Variants in PSD observed in about 807,000 individuals in gnomAD.
PSD encodes PH and SEC7 domain-containing protein 1.
Under a neutral mutation model 91.6 loss-of-function variants are expected in PSD, and 32 were observed. That is an observed-to-expected ratio of 0.35 (90% CI 0.26 to 0.47). The LOEUF (loss-of-function observed/expected upper bound fraction) is 0.47. PSD is among the 20% of genes least tolerant of loss of function. The probability of loss-of-function intolerance (pLI) is 1.00; values close to 1 mark genes in which losing one functional copy is unlikely to be tolerated. For missense variants in PSD, 1,099 were observed against 1,373.9 expected (o/e 0.80, Z 3.16); for synonymous variants, 532 against 569.3 (o/e 0.93, Z 0.93).
At position 102,404,811 on chromosome 10, in the gene PSD, A is replaced by G; in HGVS notation, c.2556-84T>C. On this transcript the variant is annotated intron_variant, in intron 14 of 16. Transcript: ENST00000020673. The surrounding 1 kb of genome is among the most constrained non-coding windows in gnomAD (Gnocchi z 5.7). Reference sequence around the variant, plus strand: ...AGTCCTGGCTCAAGTGTGGCCTGAGAAGGAATGAAAAAATCCAGGGACAGG... The same window carrying G: ...AGTCCTGGCTCAAGTGTGGCCTGAGGAGGAATGAAAAAATCCAGGGACAGG... 1.3e-6 allele frequency: 2 copies of G among 1,571,898 alleles called. No individual in the cohort carries two copies. The highest frequency in any genetic ancestry group is 2.2e-5 in the East Asian group (1 of 44,524).
chr10:102,407,130 C>T (rs1241150683), intron 11 of PSD, 93 bp downstream of exon 11: 3 of 1,211,864 alleles, frequency 2.5e-6, no homozygotes, highest in Non-Finnish European at 3.4e-6. Flanking sequence ...CTCCCCTACC[C>T]CCACCCAGGG....
Position 102,404,776 on chromosome 10 carries a change from C to G in PSD, c.2556-49G>C. The G allele has an allele frequency of 6.4e-7, 1 of 1,554,570 alleles. No homozygotes were observed. Among genetic ancestry groups the G allele is most frequent in the Non-Finnish European group, 8.7e-7 (1 of 1,149,156 alleles). The stretch of plus-strand genomic sequence containing the variant: ...GGGACCTGGGCCCAGGGTTTCTGTC[C>G]CAGGATGCCAGTCCTGGCTCAAGTG... On this transcript the variant is annotated intron_variant, in intron 14 of 16. Coordinates refer to ENST00000020673, the MANE Select transcript of PSD (RefSeq NM_002779.5). This position sits in a 1 kb window ranked among gnomAD's most constrained non-coding sequence, Gnocchi z 5.7.
chr10:102,412,223 C>A lies in PSD; in HGVS notation c.1753G>T (p.Asp585Tyr). ...TCCCCAGCCACCAGTTTGCTGAAGT[C>A]ATTGCTGTGGGCAGGGCAGAGAGAC... The part of the protein sequence containing the change: ...DVARHLGKNN[D>Y]FSKLVAGEYL... The change falls in exon 7 of 17, where the codon GAC becomes TAC. Residue 585 changes from aspartate (D) to tyrosine (Y), a missense_variant. Physicochemically the swap from Asp to Tyr is radical, Grantham distance 160 (BLOSUM62 -3). This residue lies in a region of PSD where 110 missense variants were observed against 218.7 expected (regional missense o/e 0.50). Transcript: ENST00000020673. 6.2e-7 allele frequency: 1 copy of A among 1,614,158 alleles called. No homozygotes were observed. Among genetic ancestry groups the A allele is most frequent in the South Asian group, 1.1e-5 (1 of 91,080 alleles).
At chr10:102,411,165 C>A in intron 8 of PSD, 49 bp from the exon 9 acceptor site, 1 of 1,537,816 alleles carries the variant, frequency 6.5e-7, no homozygotes, top group Admixed American at 1.9e-5. Flanking sequence ...GGGACCCTTC[C>A]CACAGCCATC....
Position 102,414,984 on chromosome 10 carries a change from G to T in PSD, c.1003C>A (p.Pro335Thr). ...GGATGAGGGCCAGGGAGTGGGCCGG[G>T]CCGTGGGGCAGGTGGGTAGGCAGTG... ...PGTAYPPAPR[P>T]GPLPGPHPSL... Residue 335 changes from proline (P) to threonine (T), a missense_variant, in exon 4 of 17, where the codon CCC becomes ACC. Coordinates refer to ENST00000020673, the MANE Select transcript of PSD (RefSeq NM_002779.5). This position sits in a 1 kb window ranked among gnomAD's most constrained non-coding sequence, Gnocchi z 5.6. 3 of 1,599,136 alleles carry T rather than the reference G, an allele frequency of 1.9e-6. No individual in the cohort carries two copies. The highest frequency in any genetic ancestry group is 2.6e-6 in the Non-Finnish European group (3 of 1,169,660).
Position 102,414,751 on chromosome 10 carries a change from G to C in PSD, c.1124+112C>G. ...TCCTGCTATACACACTGCCCCGCCA[G>C]CCCCACACCCATCTCTATCCCAGGC... On this transcript the variant is annotated intron_variant, in intron 4 of 16. Coordinates refer to ENST00000020673, the MANE Select transcript of PSD (RefSeq NM_002779.5). The surrounding 1 kb of genome is among the most constrained non-coding windows in gnomAD (Gnocchi z 5.6). 2 of 1,380,430 alleles carry C rather than the reference G, an allele frequency of 1.4e-6. No individual in the cohort carries two copies. Among genetic ancestry groups the C allele is most frequent in the South Asian group, 3.2e-5 (2 of 62,068 alleles). 85.5% of individuals were successfully genotyped at this position (1,380,430 alleles called of 1,614,324 possible).
intron 11 of PSD, among the ~76,000 whole-genome samples, chr10:102,406,669 G>A (rs1375219080): frequency 2.6e-5 from 4 of 152,106 alleles, no homozygotes; most frequent in Admixed American, 2.0e-4. Flanking sequence ...CACCACGCCC[G>A]GCTAATTTTT....
chr10:102,417,988 C>T (rs971906777), intron 1 of PSD, among the ~76,000 whole-genome samples: 1 of 152,004 alleles, frequency 6.6e-6, no homozygotes, highest in Non-Finnish European at 1.5e-5. Flanking sequence ...GGATTACAGG[C>T]GTGAGCCACC....
intron 6 of PSD, 25 bp from the exon 7 acceptor site, chr10:102,412,252 T>C (rs750708801): frequency 1.9e-6 from 3 of 1,612,852 alleles, no homozygotes; most frequent in Non-Finnish European, 2.5e-6. Flanking sequence ...GAGAGACAGG[T>C]AGGGTCTCAA....
At chr10:102,406,082 T>C (rs1173882011) in intron 11 of PSD, 1 of 153,792 alleles carries the variant, frequency 6.5e-6, no homozygotes, top group African/African-American at 2.4e-5. Context: ...GAGCCTACAC[T>C]GCATCTCCCC....
In PSD at chr10:102,407,210, C is replaced by T; in HGVS notation, c.2135+13G>A. ...GCCCCATCCTAGCCCCACCACGCAG[C>T]CCCGGGACTCACATGGCCCACTGCA... On this transcript the variant is annotated intron_variant, in intron 11 of 16. Coordinates refer to ENST00000020673, the MANE Select transcript of PSD (RefSeq NM_002779.5). 6.2e-7 allele frequency: 1 copy of T among 1,601,728 alleles called. No homozygotes were observed. The highest frequency in any genetic ancestry group is 8.5e-7 in the Non-Finnish European group (1 of 1,174,424).
rs1329449890 is a variant in PSD, at chr10:102,409,556, C to T, written c.2091+1302G>A. Among the ~76,000 whole-genome samples the T allele has an allele frequency of 6.6e-6, 1 of 152,018 alleles. No homozygotes were observed. The highest frequency in any genetic ancestry group is 1.9e-4 in the East Asian group (1 of 5,168). On this transcript the variant is annotated intron_variant, in intron 10 of 16. Coordinates refer to ENST00000020673, the MANE Select transcript of PSD (RefSeq NM_002779.5). This position sits in a 1 kb window ranked among gnomAD's most constrained non-coding sequence, Gnocchi z 5.7. ...GGGAGGGGAGAGGTCGGACCGCTTC[C>T]CTGCAGCCCTTTTCCACTGAGCCAA...
chr10:102,416,370 G>C lies in PSD; in HGVS notation c.654+15C>G. 1 of 1,586,788 alleles carries C rather than the reference G, an allele frequency of 6.3e-7. No individual in the cohort carries two copies. The highest frequency in any genetic ancestry group is 8.6e-7 in the Non-Finnish European group (1 of 1,167,232). On this transcript the variant is annotated intron_variant, in intron 2 of 16. Transcript: ENST00000020673. This position sits in a 1 kb window ranked among gnomAD's most constrained non-coding sequence, Gnocchi z 6.0. ...CTTCACTGGGGGCCCAGGGAGCCCA[G>C]GGGAAGTTGCATACCTGGTTCAGGA... is the stretch of plus-strand genomic sequence containing the variant.
Position 102,416,784 on chromosome 10 carries a change from G to A in PSD, c.255C>T (p.Pro85=). The A allele has an allele frequency of 6.3e-7, 1 of 1,595,258 alleles. No individual in the cohort carries two copies. Among genetic ancestry groups the A allele is most frequent in the Non-Finnish European group, 8.5e-7 (1 of 1,170,236 alleles). Residue 85 remains proline, a synonymous_variant, in exon 2 of 17, where the codon CCC becomes CCT. Coordinates refer to ENST00000020673, the MANE Select transcript of PSD (RefSeq NM_002779.5). This position sits in a 1 kb window ranked among gnomAD's most constrained non-coding sequence, Gnocchi z 6.0. ...SPRVAPSPWA[P]SSPTGQPPPG... ...GTGGGGGCTGCCCAGTGGGTGAAGAGGGTGCCCAGGGTGAGGGAGCAACAC... is the reference window on the plus strand; with the variant it reads ...GTGGGGGCTGCCCAGTGGGTGAAGAAGGTGCCCAGGGTGAGGGAGCAACAC...
chr10:102,416,341 G>T lies in PSD; in HGVS notation c.654+44C>A. 6.4e-7 allele frequency: 1 copy of T among 1,560,622 alleles called. No individual in the cohort carries two copies. The highest frequency in any genetic ancestry group is 8.7e-7 in the Non-Finnish European group (1 of 1,150,646). On this transcript the variant is annotated intron_variant, in intron 2 of 16. Coordinates refer to ENST00000020673, the MANE Select transcript of PSD (RefSeq NM_002779.5). The surrounding 1 kb of genome is among the most constrained non-coding windows in gnomAD (Gnocchi z 6.0). ...CATGTCTGACAGGAGGCTGAGCCTT[G>T]CCCCTTCACTGGGGGCCCAGGGAGC...
rs199864469 is a variant in PSD, at chr10:102,405,328, C to G, written c.2326+18G>C. On this transcript the variant is annotated intron_variant, in intron 12 of 16. Coordinates refer to ENST00000020673, the MANE Select transcript of PSD (RefSeq NM_002779.5). This position sits in a 1 kb window ranked among gnomAD's most constrained non-coding sequence, Gnocchi z 5.4. ...ATCCATCCCCTAGACGCCCGCCCCC[C>G]GCAACTCGGCCACATACTCTTCCTG... 4 of 1,608,166 alleles carry G rather than the reference C, an allele frequency of 2.5e-6. 1 individual carries two copies. The South Asian group carries it at 3.3e-5, about 13-fold the overall frequency.
Position 102,416,036 on chromosome 10 carries a change from G to A in PSD, c.738C>T (p.Ser246=). 6.2e-7 allele frequency: 1 copy of A among 1,613,456 alleles called. No individual in the cohort carries two copies. The highest frequency in any genetic ancestry group is 8.5e-7 in the Non-Finnish European group (1 of 1,179,704). Residue 246 remains serine, a synonymous_variant, in exon 3 of 17, where the codon TCC becomes TCT. Transcript: ENST00000020673. This position sits in a 1 kb window ranked among gnomAD's most constrained non-coding sequence, Gnocchi z 6.0. The part of the protein sequence containing the change: ...ARAKWEFFYG[S]LDPPSSGAKP... ...CCTTACCTGAGCTGGGGGGGTCCAA[G>A]GAGCCATAGAAGAATTCCCATTTGG...
In PSD at chr10:102,403,657, G is replaced by A. The variant is rs1336865337; in HGVS notation, c.2844+185C>T. Among the ~76,000 whole-genome samples the A allele has an allele frequency of 6.6e-6, 1 of 152,218 alleles. No individual in the cohort carries two copies. Among genetic ancestry groups the A allele is most frequent in the Non-Finnish European group, 1.5e-5 (1 of 68,038 alleles). On this transcript the variant is annotated intron_variant, in intron 16 of 16. Transcript: ENST00000020673. This position sits in a 1 kb window ranked among gnomAD's most constrained non-coding sequence, Gnocchi z 6.7. ...AGAGCTGGGGAAATGGCACGCTTGA[G>A]ACATGCCTCACCTCGAGACCCCAGT...
Position 102,409,396 on chromosome 10 carries a change from G to C in PSD, c.2091+1462C>G. On this transcript the variant is annotated intron_variant, in intron 10 of 16. Transcript: ENST00000020673. The surrounding 1 kb of genome is among the most constrained non-coding windows in gnomAD (Gnocchi z 5.7). ...AAGGGGGCCCTCCCCGCGCGGCCAC[G>C]GGGAGGAGCCTGGGGAGGCCAGCGT... 6.1e-6 allele frequency: 6 copies of C among 980,444 alleles called. No individual in the cohort carries two copies. Among genetic ancestry groups the C allele is most frequent in the Non-Finnish European group, 7.3e-6 (6 of 825,350 alleles). 60.7% of individuals were successfully genotyped at this position (980,444 alleles called of 1,614,324 possible).
Sources: gnomAD v4.1 joint callset for allele counts (sites outside exome capture counted in the v4.1 genomes callset) on GRCh38, gnomAD v4.1.1 for gene constraint, gnomAD v4.1.1 regional missense constraint, Gnocchi (gnomAD v3.1) non-coding constraint, MANE v1.5 for transcripts, NCBI Gene and HGNC (gene_info 2026-07-23, HGNC 2026-07-21) for gene names.